Variants in TENM4 observed in about 807,000 individuals in gnomAD.
TENM4 encodes teneurin transmembrane protein 4.
In TENM4, 82 loss-of-function variants were observed where a neutral mutation model predicts 243.3. The ratio of observed to expected loss-of-function variants is 0.34; its 90% CI spans 0.28 to 0.40. TENM4 has a LOEUF of 0.40. Ranked by LOEUF, TENM4 falls within the 10% of genes least tolerant of loss-of-function variation. TENM4 has a pLI of 1.00. For synonymous variants in TENM4, 1,412 were observed against 1,456.3 expected (o/e 0.97, Z 0.69); for missense variants, 3,138 against 3,673.3 (o/e 0.85, Z 3.77).
intron 9 of TENM4, among the ~76,000 whole-genome samples, chr11:78,870,006 GCA>G (rs1195250576): frequency 6.6e-6 from 1 of 152,164 alleles, no homozygotes; most frequent in Non-Finnish European, 1.5e-5. Flanking sequence ...CTTGCCACAG[GCA>G]CAGTCAGTCT....
chr11:78,889,027 A>G (rs1488170611), intron 9 of TENM4, among the ~76,000 whole-genome samples: 1 of 152,196 alleles, frequency 6.6e-6, no homozygotes, highest in Non-Finnish European at 1.5e-5. Context: ...AGAAGTAGGA[A>G]GGGGTCAGAC....
At position 78,669,590 on chromosome 11, in the gene TENM4, T is replaced by C. The variant is rs1277136171; in HGVS notation, c.6755A>G (p.Gln2252Arg). The C allele has an allele frequency of 1.2e-6, 2 of 1,613,998 alleles. No individual in the cohort carries two copies. Among genetic ancestry groups the C allele is most frequent in the Middle Eastern group, 1.6e-4 (1 of 6,062 alleles). The change falls in exon 32 of 34, where the codon CAA (glutamine) becomes CGA (arginine). Residue 2252 changes from glutamine to arginine, a missense_variant. Around this residue, in one of 2 missense-constraint regions of TENM4, gnomAD observed 2,467 missense variants for 3,059.1 expected, o/e 0.81. Coordinates refer to ENST00000278550, the MANE Select transcript of TENM4 (RefSeq NM_001098816.3). The surrounding 1 kb of genome is among the most constrained non-coding windows in gnomAD (Gnocchi z 6.4). ...RDRITRLGDV[Q>R]YKMDEDGFLR... ...GAAGCCATCCTCATCCATCTTGTAT[T>C]GCACGTCACCCAGCCGAGTGATGCG...
At chr11:79,053,733 T>C (rs1396491298) in intron 6 of TENM4, among the ~76,000 whole-genome samples, 1 of 152,200 alleles carries the variant, frequency 6.6e-6, no homozygotes, top group Non-Finnish European at 1.5e-5. Context: ...GGGCTCTTCC[T>C]GAAAGAGATA....
chr11:78,983,308 C>G, intron 6 of TENM4, among the ~76,000 whole-genome samples: 1 of 152,206 alleles, frequency 6.6e-6, no homozygotes, highest in East Asian at 1.9e-4. Context: ...GGAAACTTAC[C>G]AAAGAGTGGG....
Position 79,359,599 on chromosome 11 carries a change from A to C in TENM4, c.-320-62056T>G, listed in dbSNP as rs562337161. On this transcript the variant is annotated intron_variant, in intron 1 of 33. Transcript: ENST00000278550. ...TAAAAGTAAAACAAAACAAAAGCATAAAAGTCTCATAAAAATTAATAGAAC... is the reference window on the plus strand; with the variant it reads ...TAAAAGTAAAACAAAACAAAAGCATCAAAGTCTCATAAAAATTAATAGAAC... Among the ~76,000 whole-genome samples the C allele has an allele frequency of 3.3e-5, 5 of 152,300 alleles. No individual in the cohort carries two copies. The South Asian group carries it at 8.3e-4, about 25-fold the overall frequency.
At position 78,997,860 on chromosome 11, in the gene TENM4, G is replaced by T. The variant is rs76892133; in HGVS notation, c.493+66878C>A. Among the ~76,000 whole-genome samples the T allele has an allele frequency of 1.9e-4, 29 of 152,290 alleles. 1 individual carries two copies. In the East Asian group the frequency reaches 5.6e-3, roughly 29 times the overall value. On this transcript the variant is annotated intron_variant, in intron 6 of 33. Coordinates refer to ENST00000278550, the MANE Select transcript of TENM4 (RefSeq NM_001098816.3). ...TAGGAGGTAATTAGGTTTAGATGAA[G>T]TAATGAAGGTGGGACCGTGATGACA...
At chr11:78,805,612 T>C (rs1044144052) in intron 14 of TENM4, 120 bp from the exon 15 acceptor site, 3 of 1,195,144 alleles carry the variant, frequency 2.5e-6, no homozygotes, top group South Asian at 1.3e-5. Flanking sequence ...GAAGGATGCA[T>C]AGGTCACTTA....
At chr11:79,321,819 T>C (rs1590878240) in intron 1 of TENM4, among the ~76,000 whole-genome samples, 1 of 152,166 alleles carries the variant, frequency 6.6e-6, no homozygotes. Context: ...AAGCTTGAGG[T>C]ATCAGAAGGG....
intron 6 of TENM4, among the ~76,000 whole-genome samples, chr11:79,025,817 C>T (rs1023819788): frequency 1.3e-5 from 2 of 152,110 alleles, no homozygotes; most frequent in African/African-American, 4.8e-5. Context: ...GGGAATTTTA[C>T]AGGAACAACA....
intron 2 of TENM4, among the ~76,000 whole-genome samples, chr11:79,264,493 C>T (rs1379155502): frequency 6.6e-6 from 1 of 152,122 alleles, no homozygotes; most frequent in East Asian, 1.9e-4. Flanking sequence ...GATTCCCGTC[C>T]CCCTGCTCTA....
At chr11:79,043,715 G>T (rs1465533818) in intron 6 of TENM4, among the ~76,000 whole-genome samples, 2 of 152,134 alleles carry the variant, frequency 1.3e-5, no homozygotes, top group East Asian at 3.9e-4. Flanking sequence ...TCTGATGAAT[G>T]AATGAATGGC....
intron 3 of TENM4, among the ~76,000 whole-genome samples, chr11:79,189,106 T>C (rs1431407785): frequency 6.6e-6 from 1 of 152,192 alleles, no homozygotes; most frequent in East Asian, 1.9e-4. Flanking sequence ...AAATACTATT[T>C]TGTATGAATG....
intron 5 of TENM4, among the ~76,000 whole-genome samples, chr11:79,066,458 G>T: frequency 7.3e-6 from 1 of 136,998 alleles, no homozygotes; most frequent in African/African-American, 2.6e-5. Flanking sequence ...ATAAACTTGT[G>T]CTCCCCTGGT....
chr11:79,223,401 C>A (rs1864201673), intron 2 of TENM4, among the ~76,000 whole-genome samples: 1 of 152,106 alleles, frequency 6.6e-6, no homozygotes, highest in Admixed American at 6.6e-5. Flanking sequence ...ATCAAAAATT[C>A]TGGGATTTAA....
intron 16 of TENM4, among the ~76,000 whole-genome samples, chr11:78,779,786 C>T (rs79907017): frequency 3.9e-5 from 6 of 152,310 alleles, no homozygotes; most frequent in South Asian, 4.1e-4. Flanking sequence ...CAGACAGGAC[C>T]GGACTGCAAC....
At chr11:78,970,467 C>T (rs1857518226) in intron 6 of TENM4, among the ~76,000 whole-genome samples, 1 of 152,188 alleles carries the variant, frequency 6.6e-6, no homozygotes, top group Non-Finnish European at 1.5e-5. Context: ...TTTCCCCTTA[C>T]TGTAAAAATG....
At chr11:78,913,013 A>C (rs553792846) in intron 6 of TENM4, among the ~76,000 whole-genome samples, 51 of 152,338 alleles carry the variant, frequency 3.3e-4, no homozygotes, top group Middle Eastern at 3.4e-3. Flanking sequence ...CAAACAGAAA[A>C]GGAGGTGGTG....
intron 2 of TENM4, among the ~76,000 whole-genome samples, chr11:79,287,669 G>A (rs2135376248): frequency 1.3e-5 from 2 of 152,188 alleles, no homozygotes; most frequent in Admixed American, 1.3e-4. Context: ...TAACACTGAG[G>A]ACCAGAAAGG....
intron 2 of TENM4, among the ~76,000 whole-genome samples, chr11:79,261,919 A>G (rs994669877): frequency 3.3e-5 from 5 of 152,202 alleles, no homozygotes; most frequent in Non-Finnish European, 5.9e-5. Flanking sequence ...AGCAAGTCAT[A>G]TGCATGGTCC....
Sources: gnomAD v4.1 joint callset for allele counts (sites outside exome capture counted in the v4.1 genomes callset) on GRCh38, gnomAD v4.1.1 for gene constraint, gnomAD v4.1.1 regional missense constraint, Gnocchi (gnomAD v3.1) non-coding constraint, MANE v1.5 for transcripts, NCBI Gene and HGNC (gene_info 2026-07-23, HGNC 2026-07-21) for gene names.